The following GLT1D1 variants were observed in gnomAD, a reference collection of about 807,000 sequenced individuals.
GLT1D1 encodes the protein glycosyltransferase 1 domain containing 1, also known as glycosyltransferase 1 domain-containing protein 1.
Under a neutral mutation model 28.7 loss-of-function variants are expected in GLT1D1, and 21 were observed. The observed-to-expected ratio is 0.73, with a 90% CI of 0.52 to 1.05. The LOEUF is 1.05. Ranked by LOEUF, GLT1D1 falls within the 50% of genes least tolerant of loss-of-function variation. GLT1D1 has a pLI of 0.00. For missense variants in GLT1D1, 343 were observed against 330.6 expected (o/e 1.04, Z -0.29); for synonymous variants, 147 against 124.8 (o/e 1.18, Z -1.19).
intron 1 of GLT1D1, among the ~76,000 whole-genome samples, chr12:128,867,264 A>G (rs1040785948): frequency 6.6e-6 from 1 of 151,632 alleles, no homozygotes; most frequent in Admixed American, 6.6e-5. Context: ...GTGGTGGCGA[A>G]TGCCTGTAAT....
At chr12:128,976,962 A>G (rs918808682) in intron 7 of GLT1D1, among the ~76,000 whole-genome samples, 1 of 152,224 alleles carries the variant, frequency 6.6e-6, no homozygotes, top group African/African-American at 2.4e-5. Context: ...CCTAGCCAAC[A>G]TGGCAAAACC....
At chr12:128,891,464 A>G (rs1270959840) in intron 3 of GLT1D1, among the ~76,000 whole-genome samples, 2 of 152,174 alleles carry the variant, frequency 1.3e-5, no homozygotes, top group Non-Finnish European at 2.9e-5. Context: ...GACCCTTTTA[A>G]ATCTTTGAAT....
At chr12:128,902,585 A>G (rs956863962) in intron 4 of GLT1D1, among the ~76,000 whole-genome samples, 1 of 151,678 alleles carries the variant, frequency 6.6e-6, no homozygotes, top group Admixed American at 6.6e-5. Flanking sequence ...TCCAAGAACA[A>G]TGCCTACAGT....
chr12:128,855,438 T>C (rs1222342292), intron 1 of GLT1D1, among the ~76,000 whole-genome samples: 23 of 151,706 alleles, frequency 1.5e-4, no homozygotes, highest in Non-Finnish European at 2.9e-5. Context: ...GGTGTGTGCA[T>C]GCCTGTGGTC....
At chr12:128,874,150 C>T (rs1484548548) in intron 1 of GLT1D1, among the ~76,000 whole-genome samples, 1 of 121,344 alleles carries the variant, frequency 8.2e-6, no homozygotes, top group Non-Finnish European at 1.7e-5. Context: ...TTCTTTCTTT[C>T]TTTCTTTCTT....
intron 4 of GLT1D1, among the ~76,000 whole-genome samples, chr12:128,915,933 A>G (rs1158238485): frequency 3.9e-5 from 6 of 152,198 alleles, no homozygotes; most frequent in Non-Finnish European, 7.4e-5. Context: ...TGTTTGACAA[A>G]TGTATATACC....
At chr12:128,868,116 T>C (rs1181850066) in intron 1 of GLT1D1, among the ~76,000 whole-genome samples, 1 of 152,014 alleles carries the variant, frequency 6.6e-6, no homozygotes, top group Non-Finnish European at 1.5e-5. Context: ...CTCAGGGTGG[T>C]TTTCCAGCAG....
chr12:128,921,348 C>G (rs1365849040), intron 4 of GLT1D1, among the ~76,000 whole-genome samples: 1 of 152,100 alleles, frequency 6.6e-6, no homozygotes, highest in Non-Finnish European at 1.5e-5. Flanking sequence ...CATCTCCCTG[C>G]AGCGTCTTGC....
chr12:128,931,722 T>C (rs1873913047), intron 4 of GLT1D1, among the ~76,000 whole-genome samples: 1 of 152,182 alleles, frequency 6.6e-6, no homozygotes, highest in Non-Finnish European at 1.5e-5. Flanking sequence ...AAGTGTCTGT[T>C]AGGAATCTTG....
chr12:128,912,404 C>G lies in GLT1D1; in HGVS notation c.375+13117C>G, dbSNP rs576827580. 7.4e-5 allele frequency: 111 copies of G among 1,509,658 alleles called. No homozygotes were observed. In the East Asian group the frequency reaches 2.6e-3, roughly 35 times the overall value. The allele number at this position is 1,509,658 out of a possible 1,614,324, so 93.5% of individuals were successfully genotyped here. On this transcript the variant is annotated intron_variant, in intron 4 of 7. Transcript: ENST00000281703. ...ACTGTCCAATGTACTTTTCTTTTCT[C>G]TCTCCCCTCCTTTCAAAAGCCGCAT...
intron 7 of GLT1D1, among the ~76,000 whole-genome samples, chr12:128,981,369 C>G (rs1308781812): frequency 6.6e-6 from 1 of 152,162 alleles, no homozygotes; most frequent in Non-Finnish European, 1.5e-5. Context: ...CCACCAAAGT[C>G]TCCACGTCAG....
rs758219540 is a variant in GLT1D1, at chr12:128,945,181, C to T, written c.376-145C>T. 84 of 819,724 alleles carry T rather than the reference C, an allele frequency of 1.0e-4. No individual in the cohort carries two copies. The Middle Eastern group carries it at 1.6e-3, about 15-fold the overall frequency. The allele number at this position is 819,724 out of a possible 1,614,324, so 50.8% of individuals were successfully genotyped here. A position where few individuals can be genotyped will look rare whatever the true frequency, so the allele number is the denominator to read the frequency against. On this transcript the variant is annotated intron_variant, in intron 4 of 7. Coordinates refer to ENST00000281703, the MANE Select transcript of GLT1D1 (RefSeq NM_144669.3). The stretch of plus-strand genomic sequence containing the variant: ...GCCGGGGGCCCCCATGATCACCACA[C>T]GCAGCAGCCGCGAGGACACCCCCGT...
At chr12:128,867,955 G>T (rs1490789191) in intron 1 of GLT1D1, among the ~76,000 whole-genome samples, 1 of 152,208 alleles carries the variant, frequency 6.6e-6, no homozygotes. Flanking sequence ...CAATAAGGGC[G>T]CTAAGCTATT....
rs1251102037 is a variant in GLT1D1 at position 128,899,389 on chromosome 12, G to A, written c.375+102G>A. ...CTGAGCTGACAGTGTTCCCATGGACGGTGCCTGTTGCGGCCACAATAGTGT... is the reference window on the plus strand; with the variant it reads ...CTGAGCTGACAGTGTTCCCATGGACAGTGCCTGTTGCGGCCACAATAGTGT... On this transcript the variant is annotated intron_variant, in intron 4 of 7. Coordinates refer to ENST00000281703, the MANE Select transcript of GLT1D1 (RefSeq NM_144669.3). 6.3e-6 allele frequency: 6 copies of A among 955,936 alleles called. No homozygotes were observed. In the East Asian group the frequency reaches 7.2e-5, roughly 11 times the overall value. The allele number at this position is 955,936 out of a possible 1,614,324, so 59.2% of individuals were successfully genotyped here.
At chr12:128,949,700 G>A (rs1226226233) in intron 6 of GLT1D1, among the ~76,000 whole-genome samples, 1 of 152,118 alleles carries the variant, frequency 6.6e-6, no homozygotes, top group Non-Finnish European at 1.5e-5. Flanking sequence ...TACATTAAAA[G>A]TATATAAACA....
At chr12:128,968,058 G>T (rs1055091528) in intron 7 of GLT1D1, among the ~76,000 whole-genome samples, 8 of 152,090 alleles carry the variant, frequency 5.3e-5, no homozygotes, top group African/African-American at 1.7e-4. Flanking sequence ...GTGCAGTGGC[G>T]CAAACTCAGC....
intron 3 of GLT1D1, among the ~76,000 whole-genome samples, chr12:128,896,967 T>C (rs1869722327): frequency 1.3e-5 from 2 of 152,230 alleles, no homozygotes; most frequent in South Asian, 4.1e-4. Context: ...AACATGTGAA[T>C]ATATTGATGC....
chr12:128,967,884 C>T (rs980066171), intron 7 of GLT1D1, among the ~76,000 whole-genome samples: 7 of 152,236 alleles, frequency 4.6e-5, no homozygotes, highest in South Asian at 4.1e-4. Flanking sequence ...GCATGAAATC[C>T]GAGATGCAGA....
chr12:128,982,974 G>C lies in GLT1D1; in HGVS notation c.685G>C (p.Glu229Gln). 1 of 1,614,122 alleles carries C rather than the reference G, an allele frequency of 6.2e-7. No homozygotes were observed. The highest frequency in any genetic ancestry group is 8.5e-7 in the Non-Finnish European group (1 of 1,179,966). The stretch of plus-strand genomic sequence containing the variant: ...GAGACTGGTTAGTGATCCTGCATTA[G>C]AAAAGGAAATCGTAGTGAACGGAAG... The change falls in exon 8 of 8, where the codon GAA (glutamate) becomes CAA (glutamine). Residue 229 changes from glutamate (E) to glutamine (Q), a missense_variant. Coordinates refer to ENST00000281703, the MANE Select transcript of GLT1D1 (RefSeq NM_144669.3).
Sources: gnomAD v4.1 joint callset for allele counts (sites outside exome capture counted in the v4.1 genomes callset) on GRCh38, gnomAD v4.1.1 for gene constraint, MANE v1.5 for transcripts, NCBI Gene and HGNC (gene_info 2026-07-23, HGNC 2026-07-21) for gene names.